NCAM1: variants seen among roughly 807,000 people sequenced by gnomAD.
NCAM1 encodes antigen recognized by monoclonal antibody 5.1H11.
In NCAM1, 14 loss-of-function variants were observed where a neutral mutation model predicts 109.8. The ratio of observed to expected loss-of-function variants is 0.13; its 90% CI spans 0.08 to 0.20. NCAM1 has a LOEUF of 0.20. Ranked by LOEUF, NCAM1 falls within the 10% of genes least tolerant of loss-of-function variation. The probability of loss-of-function intolerance (pLI) is 1.00; values close to 1 mark genes in which losing one functional copy is unlikely to be tolerated. For synonymous variants in NCAM1, 418 were observed against 442.9 expected (o/e 0.94, Z 0.70); for missense variants, 774 against 1,109.9 (o/e 0.70, Z 4.30).
chr11:113,139,571 T>C (rs1941735805), intron 1 of NCAM1, among the ~76,000 whole-genome samples: 1 of 152,240 alleles, frequency 6.6e-6, no homozygotes, highest in African/African-American at 2.4e-5. Flanking sequence ...TCTCTTCATG[T>C]ACACATATTT....
intron 1 of NCAM1, among the ~76,000 whole-genome samples, chr11:113,114,196 G>A (rs556409827): frequency 6.6e-6 from 1 of 152,306 alleles, no homozygotes; most frequent in African/African-American, 2.4e-5. Flanking sequence ...AGCCACTTGT[G>A]CCAGGCCCCA....
intron 14 of NCAM1, chr11:113,240,902 A>T: frequency 6.9e-7 from 1 of 1,447,620 alleles, no homozygotes; most frequent in East Asian, 2.3e-5. Context: ...GTTTTGCCTA[A>T]TGTTATCTCC....
At chr11:113,092,474 G>A (rs1168112653) in intron 1 of NCAM1, among the ~76,000 whole-genome samples, 4 of 152,044 alleles carry the variant, frequency 2.6e-5, no homozygotes, top group African/African-American at 7.2e-5. Context: ...TTTACAGGTG[G>A]GGAAACTGAG....
chr11:113,191,755 ATG>A (rs535004308), intron 1 of NCAM1, among the ~76,000 whole-genome samples: 3,349 of 134,494 alleles, frequency 0.025, 103 homozygotes, highest in African/African-American at 0.069. Flanking sequence ...ATGTGTGTAT[ATG>A]TGTGTGTGTG....
intron 16 of NCAM1, 139 bp downstream of exon 16, chr11:113,256,140 TG>T (rs1555122288): frequency 4.4e-6 from 5 of 1,128,052 alleles, no homozygotes; most frequent in Non-Finnish European, 4.9e-6. Flanking sequence ...CCATGGGCCC[TG>T]GCCATGGCTT....
At chr11:113,179,478 C>A (rs1943265576) in intron 1 of NCAM1, among the ~76,000 whole-genome samples, 1 of 152,306 alleles carries the variant, frequency 6.6e-6, no homozygotes, top group Admixed American at 6.5e-5. Flanking sequence ...CTCAGCTCAC[C>A]CACTGTGCAG....
At chr11:113,112,859 T>TACA (rs1280091843) in intron 1 of NCAM1, among the ~76,000 whole-genome samples, 2 of 152,118 alleles carry the variant, frequency 1.3e-5, no homozygotes, top group Non-Finnish European at 2.9e-5. Flanking sequence ...CAGCCAGGTG[T>TACA]GGTGTCTCAC....
intron 1 of NCAM1, among the ~76,000 whole-genome samples, chr11:113,124,236 A>G (rs1460146635): frequency 6.6e-6 from 1 of 152,192 alleles, no homozygotes; most frequent in Admixed American, 6.5e-5. Flanking sequence ...AGGAGGGGCA[A>G]GTGGGGAGTG....
intron 15 of NCAM1, among the ~76,000 whole-genome samples, chr11:113,251,828 A>G (rs1945688247): frequency 6.6e-6 from 1 of 152,202 alleles, no homozygotes; most frequent in Admixed American, 6.5e-5. Flanking sequence ...GGACTCTCTC[A>G]GGCATTTCTT....
intron 1 of NCAM1, among the ~76,000 whole-genome samples, chr11:113,114,142 G>A (rs1940575302): frequency 6.6e-6 from 1 of 152,142 alleles, no homozygotes; most frequent in Non-Finnish European, 1.5e-5. Context: ...AGAATTATTT[G>A]TCCTTAGGTG....
intron 1 of NCAM1, among the ~76,000 whole-genome samples, chr11:112,995,573 C>G (rs1176602254): frequency 2.0e-5 from 3 of 152,140 alleles, no homozygotes; most frequent in Non-Finnish European, 4.4e-5. Flanking sequence ...GTAAGCTGTG[C>G]TATTTTGAGC....
intron 1 of NCAM1, among the ~76,000 whole-genome samples, chr11:113,183,389 A>G (rs1263163124): frequency 2.6e-5 from 4 of 152,200 alleles, no homozygotes; most frequent in South Asian, 2.1e-4. Context: ...AACAATTTCA[A>G]AATGCATTTT....
intron 1 of NCAM1, among the ~76,000 whole-genome samples, chr11:113,185,068 T>TATA (rs1555108634): frequency 1.7e-4 from 17 of 99,632 alleles, no homozygotes; most frequent in East Asian, 7.5e-4. Context: ...GCATTTATAT[T>TATA]TATATATATA....
intron 10 of NCAM1, 78 bp from the exon 11 acceptor site, chr11:113,232,092 T>G (rs2137239882): frequency 4.3e-6 from 6 of 1,385,576 alleles, no homozygotes; most frequent in Non-Finnish European, 5.8e-6. Context: ...CACACCTGCC[T>G]TCCCAGTGCC....
intron 1 of NCAM1, among the ~76,000 whole-genome samples, chr11:113,156,762 G>A (rs1942421119): frequency 6.6e-6 from 1 of 152,160 alleles, no homozygotes; most frequent in African/African-American, 2.4e-5. Context: ...GACCACAGCT[G>A]TGTACCCTAT....
chr11:112,961,715 CCTCCTA>C, intron 1 of NCAM1, 51 bp downstream of exon 1: 2 of 1,129,068 alleles, frequency 1.8e-6, no homozygotes, highest in Non-Finnish European at 2.6e-6. Context: ...ATTACCCCTT[CCTCCTA>C]CTCCTAGGAG....
intron 1 of NCAM1, among the ~76,000 whole-genome samples, chr11:113,030,676 G>A (rs564861056): frequency 6.6e-6 from 1 of 152,114 alleles, no homozygotes; most frequent in Non-Finnish European, 1.5e-5. Context: ...TCTTGTTAAG[G>A]TATCAGGAAA....
At chr11:112,970,267 G>A (rs963215718) in intron 1 of NCAM1, among the ~76,000 whole-genome samples, 1 of 152,128 alleles carries the variant, frequency 6.6e-6, no homozygotes, top group Admixed American at 6.6e-5. Flanking sequence ...TCTATGTTTG[G>A]GACTAGCTGG....
chr11:113,120,093 A>T (rs1016856444), intron 1 of NCAM1, among the ~76,000 whole-genome samples: 2 of 152,230 alleles, frequency 1.3e-5, no homozygotes, highest in Non-Finnish European at 2.9e-5. Flanking sequence ...TTGTCTAAGA[A>T]GAATTAGCCA....
Sources: gnomAD v4.1 joint callset for allele counts (sites outside exome capture counted in the v4.1 genomes callset) on GRCh38, gnomAD v4.1.1 for gene constraint, MANE v1.5 for transcripts, NCBI Gene and HGNC (gene_info 2026-07-23, HGNC 2026-07-21) for gene names.